Variants in OR5M11 observed in about 807,000 individuals in gnomAD.
OR5M11 encodes the protein olfactory receptor 5M11.
For synonymous variants in OR5M11, 183 were observed against 147.7 expected (o/e 1.24, Z -1.73); for missense variants, 411 against 375.8 (o/e 1.09, Z -0.77).
Position 56,542,838 on chromosome 11 carries a change from G to A in OR5M11, c.420C>T (p.Cys140=). The stretch of plus-strand genomic sequence containing the variant: ...CATAGGGAAATGTGGCCAAGCAGAT[G>A]CAAACTCTCCTGGACGTTTTCACAC... ...RYSVKTSRRV[C]ICLATFPYVY... The change falls in exon 1 of 1, where the codon TGC becomes TGT. Residue 140 remains cysteine, a synonymous_variant. Coordinates refer to ENST00000528616, the MANE Select transcript of OR5M11 (RefSeq NM_001005245.1). 1.2e-6 allele frequency: 2 copies of A among 1,613,890 alleles called. No individual in the cohort carries two copies. The highest frequency in any genetic ancestry group is 1.7e-6 in the Non-Finnish European group (2 of 1,179,908).
Position 56,543,240 on chromosome 11 carries a change from GC to G in OR5M11, c.17del (p.Gly6AlafsTer35), listed in dbSNP as rs1043370731. 2 of 1,612,712 alleles carry G rather than the reference GC, an allele frequency of 1.2e-6. No individual in the cohort carries two copies. Among genetic ancestry groups the G allele is most frequent in the African/African-American group, 2.7e-5 (2 of 74,896 alleles). On this transcript the variant is annotated frameshift_variant, in exon 1 of 1. Transcript: ENST00000528616. LOFTEE classifies it low-confidence loss of function (END_TRUNC). ...GTAAAATGAATTCTGTGATTGCACTGCCATTTGTGTTGGACATTTCCTGACA... is the reference window on the plus strand; with the variant it reads ...GTAAAATGAATTCTGTGATTGCACTGCATTTGTGTTGGACATTTCCTGACA... MSNTN[G>X]SAITEFILLG...
chr11:56,543,207 G>A lies in OR5M11; in HGVS notation c.51C>T (p.Leu17=). The change falls in exon 1 of 1, where the codon CTC becomes CTT. Residue 17 remains leucine (L), a synonymous_variant. Transcript: ENST00000528616. ...GAGACTGGAGTTCCGGGCAATCTGT[G>A]AGCCCAAGTAAAATGAATTCTGTGA... The part of the protein sequence containing the change: ...SAITEFILLG[L]TDCPELQSLL... 1.2e-6 allele frequency: 2 copies of A among 1,613,818 alleles called. No individual in the cohort carries two copies. Among genetic ancestry groups the A allele is most frequent in the Non-Finnish European group, 1.7e-6 (2 of 1,179,838 alleles).
Position 56,542,861 on chromosome 11 carries a change from C to T in OR5M11, c.397G>A (p.Val133Met). 1.2e-6 allele frequency: 2 copies of T among 1,614,014 alleles called. No homozygotes were observed. The highest frequency in any genetic ancestry group is 1.7e-6 in the Non-Finnish European group (2 of 1,180,002). The change falls in exon 1 of 1, where the codon GTG becomes ATG. Residue 133 changes from valine (V) to methionine (M), a missense_variant. Physicochemically the swap from Val to Met is conservative, Grantham distance 21. Coordinates refer to ENST00000528616, the MANE Select transcript of OR5M11 (RefSeq NM_001005245.1). ...ATGCAAACTCTCCTGGACGTTTTCA[C>T]ACTGTAGCGCAGAGGGTCATATATG... Reference protein sequence around the residue: ...VAIYDPLRYSVKTSRRVCICL... With the variant: ...VAIYDPLRYSMKTSRRVCICL...
Position 56,542,765 on chromosome 11 carries a change from G to T in OR5M11, c.493C>A (p.Leu165Met). The T allele has an allele frequency of 1.2e-6, 2 of 1,613,824 alleles. No individual in the cohort carries two copies. The highest frequency in any genetic ancestry group is 1.6e-4 in the Middle Eastern group (1 of 6,062). Reference sequence around the variant, plus strand: ...ATGACACTGGATCTACAGAAGGTCAGGCGGAAGGTCAGGATGGCCTGGAAG... The same window carrying T: ...ATGACACTGGATCTACAGAAGGTCATGCGGAAGGTCAGGATGGCCTGGAAG... ...GLFQAILTFR[L>M]TFCRSSVINH... Residue 165 changes from leucine (L) to methionine (M), a missense_variant, in exon 1 of 1, where the codon CTG (leucine) becomes ATG (methionine). Transcript: ENST00000528616.
rs766385210 is a variant in OR5M11, at chr11:56,543,024, G to A, written c.234C>T (p.Thr78=). The part of the protein sequence containing the change: ...FVDLCYTSNA[T]PQMSTNIVSE... ...ATACGATATTAGTCGACATCTGCGG[G>A]GTTGCATTTGATGTATAGCACAAAT... is the stretch of plus-strand genomic sequence containing the variant. Residue 78 remains threonine, a synonymous_variant, in exon 1 of 1, where the codon ACC becomes ACT. Transcript: ENST00000528616. 1.9e-6 allele frequency: 3 copies of A among 1,613,828 alleles called. No individual in the cohort carries two copies. Among genetic ancestry groups the A allele is most frequent in the Non-Finnish European group, 2.5e-6 (3 of 1,179,776 alleles).
Position 56,542,819 on chromosome 11 carries a change from G to A in OR5M11, c.439C>T (p.Pro147Ser), listed in dbSNP as rs1852853302. The A allele has an allele frequency of 6.2e-7, 1 of 1,613,890 alleles. No homozygotes were observed. The highest frequency in any genetic ancestry group is 8.5e-7 in the Non-Finnish European group (1 of 1,179,892). Reference sequence around the variant, plus strand: ...CCATCTGAGAAGCCATAGACATAGGGAAATGTGGCCAAGCAGATGCAAACT... The same window carrying A: ...CCATCTGAGAAGCCATAGACATAGGAAAATGTGGCCAAGCAGATGCAAACT... The part of the protein sequence containing the change: ...RRVCICLATF[P>S]YVYGFSDGLF... The change falls in exon 1 of 1, where the codon CCC becomes TCC. Residue 147 changes from proline (P) to serine (S), a missense_variant. Transcript: ENST00000528616.
In OR5M11 at chr11:56,542,703, C is replaced by T. The variant is rs1229986008; in HGVS notation, c.555G>A (p.Lys185=). 1 of 1,613,864 alleles carries T rather than the reference C, an allele frequency of 6.2e-7. No homozygotes were observed. ...TGACATAAGTATCAGAACAAGAAAG[C>T]TTAATGAGCGGCGGGTCAGCACAGT... ...HFYCADPPLI[K]LSCSDTYVKE... Residue 185 remains lysine (K), a synonymous_variant, in exon 1 of 1, where the codon AAG becomes AAA. Transcript: ENST00000528616.
At position 56,542,409 on chromosome 11, in the gene OR5M11, T is replaced by A. The variant is rs760247316; in HGVS notation, c.849A>T (p.Val283=). 9.3e-6 allele frequency: 15 copies of A among 1,613,388 alleles called. No individual in the cohort carries two copies. The highest frequency in any genetic ancestry group is 8.5e-6 in the Non-Finnish European group (10 of 1,179,514). Residue 283 remains valine (V), a synonymous_variant, in exon 1 of 1, where the codon GTA becomes GTT. Transcript: ENST00000528616. ...TCAGACTGTAGATCAATGGATTAAG[T>A]ACCGGACTCACAAAGGTGTAAAAGA... ...IAVFYTFVSP[V]LNPLIYSLRN...
Position 56,542,587 on chromosome 11 carries a change from A to T in OR5M11, c.671T>A (p.Ile224Asn). Reference sequence around the variant, plus strand: ...TCCCTCTGCTGATTTGATCCGGAGGATGGCAGCAAGAATGAAGGCATAGGA... The same window carrying T: ...TCCCTCTGCTGATTTGATCCGGAGGTTGGCAGCAAGAATGAAGGCATAGGA... ...LVSYAFILAA[I>N]LRIKSAEGRH... is the part of the protein sequence containing the mutation. Residue 224 changes from isoleucine (I) to asparagine (N), a missense_variant, in exon 1 of 1, where the codon ATC (isoleucine) becomes AAC (asparagine). Physicochemically the swap from Ile to Asn is moderately radical, Grantham distance 149. Transcript: ENST00000528616. 1.2e-6 allele frequency: 2 copies of T among 1,614,004 alleles called. No homozygotes were observed. The highest frequency in any genetic ancestry group is 2.2e-5 in the South Asian group (2 of 91,084).
rs1196898194 is a variant in OR5M11 at position 56,543,247 on chromosome 11, G to T, written c.11C>A (p.Thr4Lys). 8 of 1,611,698 alleles carry T rather than the reference G, an allele frequency of 5.0e-6. No homozygotes were observed. The East Asian group carries it at 1.3e-4, about 27-fold the overall frequency. ...GAATTCTGTGATTGCACTGCCATTT[G>T]TGTTGGACATTTCCTGACAGTTTGC... MSN[T>K]NGSAITEFIL... Residue 4 changes from threonine to lysine, a missense_variant, in exon 1 of 1, where the codon ACA becomes AAA. Thr to Lys is a moderately conservative substitution (Grantham distance 78). Transcript: ENST00000528616.
Position 56,542,827 on chromosome 11 carries a change from G to T in OR5M11, c.431C>A (p.Ala144Asp), listed in dbSNP as rs371385033. The change falls in exon 1 of 1, where the codon GCC becomes GAC. Residue 144 changes from alanine to aspartate, a missense_variant. By Grantham distance (126) the Ala-to-Asp change is moderately radical. Coordinates refer to ENST00000528616, the MANE Select transcript of OR5M11 (RefSeq NM_001005245.1). ...GAAGCCATAGACATAGGGAAATGTG[G>T]CCAAGCAGATGCAAACTCTCCTGGA... ...KTSRRVCICL[A>D]TFPYVYGFSD... The T allele has an allele frequency of 1.4e-5, 22 of 1,613,744 alleles. No homozygotes were observed. The highest frequency in any genetic ancestry group is 1.7e-5 in the Non-Finnish European group (20 of 1,179,888).
rs372487910 is a variant in OR5M11 at position 56,543,004 on chromosome 11, A to G, written c.254T>C (p.Ile85Thr). ...AAAGGAAATGGTCTTCTCAGATACG[A>G]TATTAGTCGACATCTGCGGGGTTGC... Reference protein sequence around the residue: ...SNATPQMSTNIVSEKTISFAG... With the variant: ...SNATPQMSTNTVSEKTISFAG... The change falls in exon 1 of 1, where the codon ATC becomes ACC. Residue 85 changes from isoleucine to threonine, a missense_variant. Transcript: ENST00000528616. 3.7e-5 allele frequency: 59 copies of G among 1,613,970 alleles called. No homozygotes were observed. In the African/African-American group the frequency reaches 7.3e-4, roughly 20 times the overall value.
rs765821276 is a variant in OR5M11 at position 56,542,658 on chromosome 11, T to C, written c.600A>G (p.Ile200Met). The C allele has an allele frequency of 3.1e-6, 5 of 1,613,744 alleles. No homozygotes were observed. Among genetic ancestry groups the C allele is most frequent in the South Asian group, 2.2e-5 (2 of 91,070 alleles). Residue 200 changes from isoleucine (I) to methionine (M), a missense_variant, in exon 1 of 1, where the codon ATA becomes ATG. Coordinates refer to ENST00000528616, the MANE Select transcript of OR5M11 (RefSeq NM_001005245.1). ...AGCTGGAGAGGTTGAAGCCAGCAGA[T>C]ATGAACATGGCATGCTCTTTGACAT... ...DTYVKEHAMF[I>M]SAGFNLSSSL... is the part of the protein sequence containing the mutation.
Position 56,542,979 on chromosome 11 carries a change from A to G in OR5M11, c.279T>C (p.Phe93=). ...TGTAGCACTGTGTAAAGCAACCAGC[A>G]AAGGAAATGGTCTTCTCAGATACGA... ...TNIVSEKTIS[F]AGCFTQCYIF... is the part of the protein sequence containing the mutation. The change falls in exon 1 of 1, where the codon TTT becomes TTC. Residue 93 remains phenylalanine, a synonymous_variant. Transcript: ENST00000528616. The G allele has an allele frequency of 6.2e-7, 1 of 1,614,102 alleles. No individual in the cohort carries two copies.
In OR5M11 at chr11:56,542,715, C is replaced by T. The variant is rs979783807; in HGVS notation, c.543G>A (p.Pro181=). Residue 181 remains proline, a synonymous_variant, in exon 1 of 1, where the codon CCG becomes CCA. Coordinates refer to ENST00000528616, the MANE Select transcript of OR5M11 (RefSeq NM_001005245.1). ...CAGAACAAGAAAGCTTAATGAGCGG[C>T]GGGTCAGCACAGTAGAAGTGGTTGA... ...SVINHFYCAD[P]PLIKLSCSDT... 1.6e-5 allele frequency: 26 copies of T among 1,613,582 alleles called. No individual in the cohort carries two copies. Among genetic ancestry groups the T allele is most frequent in the Middle Eastern group, 3.3e-4 (2 of 6,084 alleles).
In OR5M11 at chr11:56,542,839, C is replaced by G. The variant is rs141563523; in HGVS notation, c.419G>C (p.Cys140Ser). 4 of 1,613,888 alleles carry G rather than the reference C, an allele frequency of 2.5e-6. No individual in the cohort carries two copies. The highest frequency in any genetic ancestry group is 3.4e-6 in the Non-Finnish European group (4 of 1,179,912). Residue 140 changes from cysteine (C) to serine (S), a missense_variant, in exon 1 of 1, where the codon TGC (cysteine) becomes TCC (serine). By Grantham distance (112) the Cys-to-Ser change is moderately radical. Transcript: ENST00000528616. ...RYSVKTSRRV[C>S]ICLATFPYVY... ...ATAGGGAAATGTGGCCAAGCAGATGCAAACTCTCCTGGACGTTTTCACACT... is the reference window on the plus strand; with the variant it reads ...ATAGGGAAATGTGGCCAAGCAGATGGAAACTCTCCTGGACGTTTTCACACT...
In OR5M11 at chr11:56,542,897, G is replaced by A. The variant is rs116068549; in HGVS notation, c.361C>T (p.Arg121Cys). 8.5e-4 allele frequency: 1,369 copies of A among 1,613,990 alleles called. 7 individuals carry two copies. In the African/African-American group the frequency reaches 0.015, roughly 18 times the overall value. Residue 121 changes from arginine (R) to cysteine (C), a missense_variant, in exon 1 of 1, where the codon CGC becomes TGC. Coordinates refer to ENST00000528616, the MANE Select transcript of OR5M11 (RefSeq NM_001005245.1). Reference protein sequence around the residue: ...FYMLAAMAYDRYVAIYDPLRY... With the variant: ...FYMLAAMAYDCYVAIYDPLRY... ...AGAGGGTCATATATGGCCACATAGC[G>A]GTCATAGGCCATTGCTGCCAGCATG... is the stretch of plus-strand genomic sequence containing the variant.
In OR5M11 at chr11:56,543,174, A is replaced by T; in HGVS notation, c.84T>A (p.Phe28Leu). The T allele has an allele frequency of 6.2e-7, 1 of 1,613,890 alleles. No individual in the cohort carries two copies. The highest frequency in any genetic ancestry group is 8.5e-7 in the Non-Finnish European group (1 of 1,179,830). The stretch of plus-strand genomic sequence containing the variant: ...CGAGGTAAACAACCAGAAACAGCAC[A>T]AAAAGCAGAGACTGGAGTTCCGGGC... The part of the protein sequence containing the change: ...TDCPELQSLL[F>L]VLFLVVYLVT... The change falls in exon 1 of 1, where the codon TTT (phenylalanine) becomes TTA (leucine). Residue 28 changes from phenylalanine (F) to leucine (L), a missense_variant. Physicochemically the swap from Phe to Leu is conservative, Grantham distance 22. Transcript: ENST00000528616.
Position 56,542,795 on chromosome 11 carries a change from C to A in OR5M11, c.463G>T (p.Gly155Ter). ...TFPYVYGFSD[G>*]LFQAILTFRL... ...AAGGTCAGGATGGCCTGGAAGAGTC[C>A]ATCTGAGAAGCCATAGACATAGGGA... The change falls in exon 1 of 1, where the codon GGA becomes TGA. Residue 155 changes from glycine (G) to a stop codon, truncating the protein, a stop_gained. Coordinates refer to ENST00000528616, the MANE Select transcript of OR5M11 (RefSeq NM_001005245.1). LOFTEE classifies it low-confidence loss of function (END_TRUNC). 1 of 1,613,702 alleles carries A rather than the reference C, an allele frequency of 6.2e-7. No homozygotes were observed. Among genetic ancestry groups the A allele is most frequent in the African/African-American group, 1.3e-5 (1 of 74,980 alleles).
Sources: allele counts gnomAD v4.1 joint callset, GRCh38; gene constraint gnomAD v4.1.1; transcripts MANE v1.5; gene names NCBI Gene and HGNC (gene_info 2026-07-23, HGNC 2026-07-21).